Variants in NXF1 observed in about 807,000 individuals in gnomAD.
NXF1 encodes the protein mRNA export factor TAP.
In NXF1, 43 loss-of-function variants were observed where a neutral mutation model predicts 92.4. That is an observed-to-expected ratio of 0.47 (90% CI 0.36 to 0.60). The LOEUF (loss-of-function observed/expected upper bound fraction) is 0.60, where lower values mean the gene tolerates loss of function less well. Ranked by LOEUF, NXF1 falls within the 20% of genes least tolerant of loss-of-function variation. The pLI, the probability that NXF1 is intolerant of heterozygous loss-of-function variation, is 0.00. For synonymous variants in NXF1, 288 were observed against 292.2 expected (o/e 0.99, Z 0.15); for missense variants, 576 against 793.0 (o/e 0.73, Z 3.29).
intron 17 of NXF1, among the ~76,000 whole-genome samples, chr11:62,795,579 A>G (rs999457297): frequency 4.6e-5 from 7 of 152,220 alleles, no homozygotes; most frequent in Non-Finnish European, 1.0e-4. Context: ...CACCACTATG[A>G]GACGGCTATT....
rs781112412 is a variant in NXF1 at position 62,805,371 on chromosome 11, C to T, written c.-15G>A. ...TCGTCCGCCATGCCACAGCGAAGAT[C>T]AAGGGCGGGCTCAGGCGCTGGCCGC... On this transcript the variant is annotated 5_prime_UTR_variant, in exon 1 of 21. Coordinates refer to ENST00000294172, the MANE Select transcript of NXF1 (RefSeq NM_006362.5). The T allele has an allele frequency of 1.6e-5, 26 of 1,611,080 alleles. No individual in the cohort carries two copies. In the Admixed American group the frequency reaches 2.2e-4, roughly 14 times the overall value.
Position 62,805,381 on chromosome 11 carries a change from C to A in NXF1, c.-25G>T, listed in dbSNP as rs1590956960. ...TGCCACAGCGAAGATCAAGGGCGGG[C>A]TCAGGCGCTGGCCGCTACGCCGGCA... is the stretch of plus-strand genomic sequence containing the variant. On this transcript the variant is annotated 5_prime_UTR_variant, in exon 1 of 21. Coordinates refer to ENST00000294172, the MANE Select transcript of NXF1 (RefSeq NM_006362.5). 7 of 1,610,772 alleles carry A rather than the reference C, an allele frequency of 4.3e-6. No individual in the cohort carries two copies. In the East Asian group the frequency reaches 6.7e-5, roughly 15 times the overall value.
In NXF1 at chr11:62,801,371, A is replaced by G; in HGVS notation, c.756T>C (p.Cys252=). ...CAATGATCCTCAGGGTAGCTGCCAT[A>G]CAGCTTCTGCGATTCAGGACAACGT... ...NIDVVLNRRS[C]MAATLRIIEE... The change falls in exon 8 of 21, where the codon TGT becomes TGC. Residue 252 remains cysteine, a synonymous_variant. Coordinates refer to ENST00000294172, the MANE Select transcript of NXF1 (RefSeq NM_006362.5). 2 of 1,614,152 alleles carry G rather than the reference A, an allele frequency of 1.2e-6. No individual in the cohort carries two copies. The highest frequency in any genetic ancestry group is 1.7e-6 in the Non-Finnish European group (2 of 1,180,000).
chr11:62,794,680 A>G lies in NXF1; in HGVS notation c.1578-240T>C, dbSNP rs1480678473. The G allele has an allele frequency of 1.2e-5, 7 of 585,618 alleles. No individual in the cohort carries two copies. In the East Asian group the frequency reaches 1.9e-4, roughly 16 times the overall value. The allele number at this position is 585,618 out of a possible 1,614,324, so 36.3% of individuals were successfully genotyped here. On this transcript the variant is annotated intron_variant, in intron 18 of 20. Coordinates refer to ENST00000294172, the MANE Select transcript of NXF1 (RefSeq NM_006362.5). ...TTTAATTCATCCTCACAACAAACTT[A>G]GGAAATGAATATTGTTATATGAATT...
At chr11:62,796,223 C>A (rs200044819) in intron 15 of NXF1, 42 bp from the exon 16 acceptor site, 154 of 1,612,290 alleles carry the variant, frequency 9.6e-5, no homozygotes, top group Non-Finnish European at 1.1e-4. Flanking sequence ...GCCACACACT[C>A]CTGAGTTCTG....
At position 62,792,385 on chromosome 11, in the gene NXF1, G is replaced by A. The variant is rs867613405; in HGVS notation, c.*91C>T. The stretch of plus-strand genomic sequence containing the variant: ...TCGGTCACAGTCACGGGGCGGCCTC[G>A]GGCCAGACAGGAGGAGATGACAGAC... On this transcript the variant is annotated 3_prime_UTR_variant, in exon 21 of 21. Transcript: ENST00000294172. The A allele has an allele frequency of 2.0e-6, 3 of 1,523,600 alleles. No homozygotes were observed. The highest frequency in any genetic ancestry group is 1.7e-5 in the Admixed American group (1 of 59,860). 94.4% of individuals were successfully genotyped at this position (1,523,600 alleles called of 1,614,324 possible).
intron 8 of NXF1, 43 bp from the exon 9 acceptor site, chr11:62,801,244 G>A (rs371322959): frequency 2.4e-5 from 39 of 1,605,020 alleles, no homozygotes; most frequent in Middle Eastern, 1.7e-4. Flanking sequence ...ACCAGCAAGT[G>A]GATCAGAGAC....
intron 10 of NXF1, chr11:62,799,429 G>A (rs1192668314): frequency 1.0e-6 from 1 of 985,736 alleles, no homozygotes; most frequent in Non-Finnish European, 1.2e-6. Flanking sequence ...CCCTCAGAAG[G>A]TGTGAGGGTT....
chr11:62,795,888 T>G lies in NXF1; in HGVS notation c.1504+13A>C. The G allele has an allele frequency of 6.2e-7, 1 of 1,612,828 alleles. No individual in the cohort carries two copies. Among genetic ancestry groups the G allele is most frequent in the Non-Finnish European group, 8.5e-7 (1 of 1,179,578 alleles). ...GGACCACGCTACAAACTCGGGACTCTAAAGATTCTTACCTTCCTTGAAGAC... is the reference window on the plus strand; with the variant it reads ...GGACCACGCTACAAACTCGGGACTCGAAAGATTCTTACCTTCCTTGAAGAC... On this transcript the variant is annotated intron_variant, in intron 17 of 20. Transcript: ENST00000294172.
chr11:62,800,585 C>A, intron 9 of NXF1, 99 bp from the exon 10 acceptor site: 23 of 654,734 alleles, frequency 3.5e-5, no homozygotes, highest in Non-Finnish European at 5.6e-5. Flanking sequence ...GAGATCTTTT[C>A]TAATCTTTTA....
At chr11:62,798,654 A>G in intron 10 of NXF1, 79 bp from the exon 11 acceptor site, 1 of 1,598,956 alleles carries the variant, frequency 6.3e-7, no homozygotes. Context: ...AAATATACCA[A>G]ACCCGAGGGA....
At position 62,794,404 on chromosome 11, in the gene NXF1, A is replaced by G; in HGVS notation, c.1614T>C (p.Asn538=). ...CIVNDELFVR[N]ASSEEIQRAF... ...CTCTTTGGATCTCTTCAGAACTGGC[A>G]TTCCGCACAAATAGCTCATCATTTA... The change falls in exon 19 of 21, where the codon AAT becomes AAC. Residue 538 remains asparagine, a synonymous_variant. Coordinates refer to ENST00000294172, the MANE Select transcript of NXF1 (RefSeq NM_006362.5). 6.2e-7 allele frequency: 1 copy of G among 1,614,098 alleles called. No individual in the cohort carries two copies. Among genetic ancestry groups the G allele is most frequent in the Non-Finnish European group, 8.5e-7 (1 of 1,179,946 alleles).
chr11:62,797,339 G>C lies in NXF1; in HGVS notation c.1101C>G (p.Pro367=). 1.2e-6 allele frequency: 2 copies of C among 1,614,076 alleles called. No homozygotes were observed. Among genetic ancestry groups the C allele is most frequent in the South Asian group, 1.1e-5 (1 of 91,082 alleles). Residue 367 remains proline, a synonymous_variant, in exon 12 of 21, where the codon CCC becomes CCG. Coordinates refer to ENST00000294172, the MANE Select transcript of NXF1 (RefSeq NM_006362.5). ...PPPIAFDVEA[P]TTLPPCKGSY... ...CTACCTTGCAGGGCGGTAACGTCGT[G>C]GGGGCTTCAACATCAAAGGCAATTG...
Position 62,801,823 on chromosome 11 carries a change from G to C in NXF1, c.559-4C>G, listed in dbSNP as rs745744970. ...AAGAGTTGATGATGATAGATATCTG[G>C]AGGGAAGACACAGAGGGCACAGAAA... On this transcript the variant is annotated splice_polypyrimidine_tract_variant and splice_region_variant and intron_variant, in intron 5 of 20. Transcript: ENST00000294172. 9 of 1,612,724 alleles carry C rather than the reference G, an allele frequency of 5.6e-6. No homozygotes were observed. The African/African-American group carries it at 9.3e-5, about 17-fold the overall frequency.
chr11:62,792,669 C>G lies in NXF1; in HGVS notation c.1793G>C (p.Arg598Thr), dbSNP rs2084377289. ...CLQDNNWDYTRSAQAFTHLKA... is the reference protein window; with the variant it reads ...CLQDNNWDYTTSAQAFTHLKA... ...GAGATGAGTGAAGGCCTGGGCAGAT[C>G]TGGTGTAGTCCCAGTTGTTGTCCTG... The change falls in exon 20 of 21, where the codon AGA becomes ACA. Residue 598 changes from arginine (R) to threonine (T), a missense_variant. Arg to Thr is a moderately conservative substitution (Grantham distance 71, BLOSUM62 -1). Transcript: ENST00000294172. The G allele has an allele frequency of 1.9e-6, 3 of 1,614,090 alleles. No individual in the cohort carries two copies. The highest frequency in any genetic ancestry group is 8.5e-7 in the Non-Finnish European group (1 of 1,180,036).
At chr11:62,798,724 G>A in intron 10 of NXF1, 149 bp from the exon 11 acceptor site, 1 of 1,453,414 alleles carries the variant, frequency 6.9e-7, no homozygotes, top group Non-Finnish European at 9.0e-7. Flanking sequence ...AGGGAAAAAT[G>A]GCCCCCACTC....
chr11:62,796,600 C>A (rs1435211573), intron 13 of NXF1, 33 bp from the exon 14 acceptor site: 1 of 1,438,112 alleles, frequency 7.0e-7, no homozygotes, highest in East Asian at 2.3e-5. Flanking sequence ...AGTATGGGCT[C>A]TGTGGTCTAC....
chr11:62,798,489 TGTGA>T (rs1185987341), intron 11 of NXF1, 46 bp downstream of exon 11: 4 of 1,598,910 alleles, frequency 2.5e-6, no homozygotes, highest in Admixed American at 1.8e-5. Context: ...CAGGAATCCT[TGTGA>T]GTGAGAGATG....
At chr11:62,795,550 T>C in intron 17 of NXF1, 1 of 335,602 alleles carries the variant, frequency 3.0e-6, no homozygotes, top group Non-Finnish European at 5.5e-6. Flanking sequence ...TGTAAGTCAC[T>C]TCAGTTTACT....
Sources: allele counts gnomAD v4.1 joint callset (sites outside exome capture counted in the v4.1 genomes callset), GRCh38; gene constraint gnomAD v4.1.1; transcripts MANE v1.5; gene names NCBI Gene and HGNC (gene_info 2026-07-23, HGNC 2026-07-21).